The following GPHN variants were observed in gnomAD, a reference collection of about 807,000 sequenced individuals.
GPHN encodes gephyrin.
Under a neutral mutation model 95.5 loss-of-function variants are expected in GPHN, and 17 were observed. That is an observed-to-expected ratio of 0.18 (90% CI 0.12 to 0.27). The LOEUF is 0.27. GPHN is among the 10% of genes least tolerant of loss of function. The pLI is 1.00. For missense variants in GPHN, 660 were observed against 978.1 expected (o/e 0.67, Z 4.34); for synonymous variants, 320 against 322.5 (o/e 0.99, Z 0.08).
At chr14:67,734,007 T>C in the GPHN span, 16 of 602,828 alleles carry the variant, frequency 2.7e-5, no homozygotes, top group South Asian at 2.4e-4. Context: ...TTTGCACACC[T>C]GACACTCTTG....
chr14:67,322,190 TA>T, the GPHN span, among the ~76,000 whole-genome samples: 1 of 151,622 alleles, frequency 6.6e-6, no homozygotes, highest in Non-Finnish European at 1.5e-5. Context: ...TACCAAAAAT[TA>T]AAAAAAATTA....
chr14:67,553,376 T>TA, the GPHN span, among the ~76,000 whole-genome samples: 1,952 of 149,066 alleles, frequency 0.013, 78 homozygotes, highest in Admixed American at 0.075. Flanking sequence ...TCTGTGTGGG[T>TA]AAAAAAAAAA....
chr14:66,919,526 G>A (rs1250687180), intron 6 of GPHN, among the ~76,000 whole-genome samples: 1 of 152,064 alleles, frequency 6.6e-6, no homozygotes, highest in African/African-American at 2.4e-5. Flanking sequence ...ACAGGTACAG[G>A]CTACTCTCCC....
chr14:67,257,021 T>A, the GPHN span, among the ~76,000 whole-genome samples: 29 of 152,266 alleles, frequency 1.9e-4, no homozygotes, highest in East Asian at 1.4e-3. Context: ...CAGCTTTTTT[T>A]AAATACGTTT....
intron 5 of GPHN, among the ~76,000 whole-genome samples, chr14:66,895,995 G>A (rs916283450): frequency 2.0e-5 from 3 of 152,078 alleles, no homozygotes; most frequent in South Asian, 4.1e-4. Flanking sequence ...CAAGGTGCCC[G>A]CAGATTCAGC....
chr14:67,228,365 A>T, the GPHN span: 1 of 520,988 alleles, frequency 1.9e-6, no homozygotes, highest in Non-Finnish European at 2.5e-6. Context: ...CAGTAATAAC[A>T]CTAAAAATAT....
chr14:67,008,458 AAAG>A (rs1057325090), intron 9 of GPHN, among the ~76,000 whole-genome samples: 1 of 151,760 alleles, frequency 6.6e-6, no homozygotes, highest in African/African-American at 2.4e-5. Context: ...CGTCTCAAAA[AAAG>A]AAAAAAGAAA....
At chr14:66,917,241 A>G (rs935025238) in intron 6 of GPHN, among the ~76,000 whole-genome samples, 2 of 152,180 alleles carry the variant, frequency 1.3e-5, no homozygotes, top group South Asian at 2.1e-4. Flanking sequence ...ATAAAAGTCA[A>G]AAGATACTGG....
chr14:67,061,382 C>T (rs1474041917), intron 11 of GPHN, among the ~76,000 whole-genome samples: 1 of 152,008 alleles, frequency 6.6e-6, no homozygotes, highest in African/African-American at 2.4e-5. Context: ...GTTATAGGCT[C>T]CCCTCCCCCC....
chr14:66,588,489 GA>G (rs1279301006), intron 1 of GPHN, among the ~76,000 whole-genome samples: 3 of 151,902 alleles, frequency 2.0e-5, no homozygotes, highest in Non-Finnish European at 4.4e-5. Flanking sequence ...TAAGAACCTT[GA>G]AAAAAAGTTA....
At chr14:67,346,227 G>A in the GPHN span, among the ~76,000 whole-genome samples, 165 of 152,264 alleles carry the variant, frequency 1.1e-3, no homozygotes, top group African/African-American at 3.7e-3. Context: ...CTACTTCTTC[G>A]TATGAAATGT....
chr14:67,525,402 A>C, the GPHN span, among the ~76,000 whole-genome samples: 1 of 152,230 alleles, frequency 6.6e-6, no homozygotes, highest in Non-Finnish European at 1.5e-5. Flanking sequence ...TTCTAGATGA[A>C]TCATAATTTT....
intron 1 of GPHN, among the ~76,000 whole-genome samples, chr14:66,591,333 G>A (rs1424657496): frequency 6.6e-6 from 1 of 152,126 alleles, no homozygotes; most frequent in East Asian, 1.9e-4. Context: ...AAGAAATAAA[G>A]GGTATTCAAA....
chr14:67,177,354 G>A (rs2140166182), intron 21 of GPHN, among the ~76,000 whole-genome samples: 1 of 152,306 alleles, frequency 6.6e-6, no homozygotes, highest in Non-Finnish European at 1.5e-5. Flanking sequence ...TCATTCAGGA[G>A]CAGGTTGTTC....
chr14:66,831,366 A>C (rs1203303682), intron 4 of GPHN, among the ~76,000 whole-genome samples: 3 of 152,190 alleles, frequency 2.0e-5, no homozygotes, highest in African/African-American at 7.2e-5. Context: ...ATAATTTAAC[A>C]ATATTAAATT....
chr14:67,450,973 C>T, the GPHN span, among the ~76,000 whole-genome samples: 1 of 152,234 alleles, frequency 6.6e-6, no homozygotes, highest in Admixed American at 6.5e-5. Flanking sequence ...CCTAGGGTCC[C>T]CCGTGCTGTG....
chr14:67,418,036 A>G, the GPHN span, among the ~76,000 whole-genome samples: 1 of 152,160 alleles, frequency 6.6e-6, no homozygotes, highest in East Asian at 1.9e-4. Flanking sequence ...GTGAGCCACC[A>G]TGCCCGGCCT....
At chr14:67,266,271 T>C in the GPHN span, among the ~76,000 whole-genome samples, 1 of 152,322 alleles carries the variant, frequency 6.6e-6, no homozygotes, top group Non-Finnish European at 1.5e-5. Flanking sequence ...TTTGTTTAGG[T>C]TGTGCCTTTT....
intron 9 of GPHN, among the ~76,000 whole-genome samples, chr14:66,972,719 T>C (rs1332882650): frequency 6.6e-6 from 1 of 152,074 alleles, no homozygotes; most frequent in Non-Finnish European, 1.5e-5. Context: ...TATTGTCATA[T>C]AATATTGTAA....
Sources: gnomAD v4.1 joint callset for allele counts (sites outside exome capture counted in the v4.1 genomes callset) on GRCh38, gnomAD v4.1.1 for gene constraint, MANE v1.5 for transcripts, NCBI Gene and HGNC (gene_info 2026-07-23, HGNC 2026-07-21) for gene names.